Variants in RBFOX1 observed in about 807,000 individuals in gnomAD.
RBFOX1 encodes RNA binding protein fox-1 homolog 1.
A neutral mutation model predicts 57.7 loss-of-function variants in RBFOX1; 8 were observed. The ratio of observed to expected loss-of-function variants is 0.14; its 90% CI spans 0.08 to 0.25. The LOEUF (loss-of-function observed/expected upper bound fraction) is 0.25, where lower values mean the gene tolerates loss of function less well. Among genes scored for constraint, RBFOX1 ranks in the 10% least tolerant of loss-of-function variants. The pLI is 1.00. For synonymous variants in RBFOX1, 326 were observed against 222.4 expected (o/e 1.47, Z -4.15); for missense variants, 611 against 548.5 (o/e 1.11, Z -1.14).
At chr16:5,731,492 C>G (rs1431176008) in intron 3 of RBFOX1, among the ~76,000 whole-genome samples, 6 of 152,094 alleles carry the variant, frequency 3.9e-5, no homozygotes, top group Non-Finnish European at 8.8e-5. Context: ...GAAGACACAC[C>G]CAGATGAGTA....
intron 3 of RBFOX1, among the ~76,000 whole-genome samples, chr16:5,723,570 C>G (rs569252942): frequency 1.3e-5 from 2 of 152,042 alleles, no homozygotes; most frequent in African/African-American, 4.8e-5. Flanking sequence ...AGTAGTCAGC[C>G]CACAGGAAAC....
At chr16:6,798,790 C>G (rs573773318) in intron 3 of RBFOX1, among the ~76,000 whole-genome samples, 1 of 152,192 alleles carries the variant, frequency 6.6e-6, no homozygotes, top group Non-Finnish European at 1.5e-5. Flanking sequence ...TTTAGTGGCA[C>G]CATAGTTTAT....
chr16:5,416,428 G>A (rs924350401), intron 1 of RBFOX1, among the ~76,000 whole-genome samples: 6 of 152,136 alleles, frequency 3.9e-5, no homozygotes, highest in Non-Finnish European at 8.8e-5. Flanking sequence ...AAGAATCACT[G>A]ATTTTTAGTT....
At chr16:6,553,543 A>G (rs552213115) in intron 2 of RBFOX1, among the ~76,000 whole-genome samples, 2 of 152,308 alleles carry the variant, frequency 1.3e-5, no homozygotes, top group Admixed American at 6.5e-5. Flanking sequence ...CCAATATCCA[A>G]TTGTCACCAA....
Position 7,600,959 on chromosome 16 carries a change from A to G in RBFOX1, c.622+3528A>G, listed in dbSNP as rs146463838. On this transcript the variant is annotated intron_variant, in intron 9 of 15. Coordinates refer to ENST00000550418, the MANE Select transcript of RBFOX1 (RefSeq NM_018723.4). The stretch of plus-strand genomic sequence containing the variant: ...GGGATTGGACTATTTCTCTATTGCT[A>G]TTTCTCTGAAGGACACCTACCCACA... Among the ~76,000 whole-genome samples, 1,405 of 152,236 alleles carry G rather than the reference A, an allele frequency of 9.2e-3. 7 individuals carry two copies. The highest frequency in any genetic ancestry group is 0.021 in the Middle Eastern group (6 of 292).
At chr16:7,297,117 T>A (rs2095910596) in intron 4 of RBFOX1, among the ~76,000 whole-genome samples, 1 of 152,170 alleles carries the variant, frequency 6.6e-6, no homozygotes, top group African/African-American at 2.4e-5. Flanking sequence ...GAGAAGACAC[T>A]GTCTGTACCT....
intron 4 of RBFOX1, among the ~76,000 whole-genome samples, chr16:7,264,664 G>C (rs2153083660): frequency 6.6e-6 from 1 of 152,174 alleles, no homozygotes. Flanking sequence ...GTAATTTTCA[G>C]GTGTCATGCA....
intron 11 of RBFOX1, among the ~76,000 whole-genome samples, chr16:7,632,370 T>A (rs2061114959): frequency 6.6e-6 from 1 of 152,210 alleles, no homozygotes; most frequent in South Asian, 2.1e-4. Flanking sequence ...TGTAAATGTG[T>A]GTGCATGTAT....
intron 4 of RBFOX1, among the ~76,000 whole-genome samples, chr16:7,409,181 C>T (rs2098395791): frequency 6.6e-6 from 1 of 152,190 alleles, no homozygotes; most frequent in South Asian, 2.1e-4. Context: ...CCGTCTCAGG[C>T]TGCTGTGATC....
chr16:5,495,633 A>G (rs188459156), intron 2 of RBFOX1, among the ~76,000 whole-genome samples: 226 of 152,350 alleles, frequency 1.5e-3, no homozygotes, highest in Non-Finnish European at 2.9e-3. Flanking sequence ...ACGGGACCCA[A>G]CATGGTGCTG....
chr16:5,734,613 T>A (rs760960013), intron 3 of RBFOX1, among the ~76,000 whole-genome samples: 1 of 152,116 alleles, frequency 6.6e-6, no homozygotes, highest in Non-Finnish European at 1.5e-5. Context: ...GGTCCACTGA[T>A]CTCAAAGCTA....
intron 1 of RBFOX1, among the ~76,000 whole-genome samples, chr16:6,085,092 A>C (rs2096064839): frequency 1.3e-5 from 2 of 151,878 alleles, no homozygotes; most frequent in African/African-American, 4.8e-5. Flanking sequence ...AGTGCTGGGG[A>C]CTGGGTGAGG....
At position 6,096,782 on chromosome 16, in the gene RBFOX1, A is replaced by G. The variant is rs1009328411; in HGVS notation, c.-127+76790A>G. ...ACTAAAATAGATAATACCCTTGATTATCTACCCTGTGTCAAATACATGAAC... is the reference window on the plus strand; with the variant it reads ...ACTAAAATAGATAATACCCTTGATTGTCTACCCTGTGTCAAATACATGAAC... On this transcript the variant is annotated intron_variant, in intron 1 of 15. Coordinates refer to ENST00000550418, the MANE Select transcript of RBFOX1 (RefSeq NM_018723.4). 3.3e-5 allele frequency among the ~76,000 whole-genome samples: 5 copies of G among 152,252 alleles called. 1 individual carries two copies. Among genetic ancestry groups the G allele is most frequent in the African/African-American group, 4.8e-5 (2 of 41,470 alleles).
intron 2 of RBFOX1, among the ~76,000 whole-genome samples, chr16:5,478,379 G>T (rs527831626): frequency 2.6e-5 from 4 of 152,204 alleles, no homozygotes; most frequent in Non-Finnish European, 5.9e-5. Context: ...CCAGGAACGG[G>T]TAATGAATGT....
chr16:7,406,007 C>G lies in RBFOX1; in HGVS notation c.28-112140C>G, dbSNP rs559285220. On this transcript the variant is annotated intron_variant, in intron 4 of 15. Transcript: ENST00000550418. ...TGAGATGCTGCAATTGATCCTGCAA[C>G]ACACAGAGCATATCCCCCACAACAA... is the stretch of plus-strand genomic sequence containing the variant. Among the ~76,000 whole-genome samples the G allele has an allele frequency of 1.4e-4, 22 of 152,242 alleles. No individual in the cohort carries two copies. In the South Asian group the frequency reaches 4.6e-3, roughly 32 times the overall value.
intron 3 of RBFOX1, among the ~76,000 whole-genome samples, chr16:6,902,810 CATT>C (rs1396003212): frequency 2.0e-5 from 3 of 152,166 alleles, no homozygotes; most frequent in Non-Finnish European, 4.4e-5. Flanking sequence ...AAAGCTTTAA[CATT>C]ATCCATGATT....
intron 3 of RBFOX1, among the ~76,000 whole-genome samples, chr16:6,983,138 C>T (rs972079155): frequency 1.2e-4 from 18 of 151,970 alleles, no homozygotes; most frequent in Admixed American, 1.1e-3. Flanking sequence ...TTAGCTGTTC[C>T]ATTGACAGCT....
chr16:6,495,872 A>G (rs1203475489), intron 2 of RBFOX1, among the ~76,000 whole-genome samples: 1 of 152,234 alleles, frequency 6.6e-6, no homozygotes, highest in Non-Finnish European at 1.5e-5. Context: ...CACAACATAA[A>G]GGTATCTGTT....
At chr16:6,911,343 C>G (rs1379194258) in intron 3 of RBFOX1, among the ~76,000 whole-genome samples, 2 of 152,046 alleles carry the variant, frequency 1.3e-5, no homozygotes, top group Non-Finnish European at 2.9e-5. Context: ...GGCCAGAAGT[C>G]CAAGATCAAG....
Sources: gnomAD v4.1 joint callset for allele counts (sites outside exome capture counted in the v4.1 genomes callset) on GRCh38, gnomAD v4.1.1 for gene constraint, MANE v1.5 for transcripts, NCBI Gene and HGNC (gene_info 2026-07-23, HGNC 2026-07-21) for gene names.